Variants in B3GAT1 observed in about 807,000 individuals in gnomAD.
The protein encoded by B3GAT1 is galactosylgalactosylxylosylprotein 3-beta-glucuronosyltransferase 1.
B3GAT1 carries 11 observed loss-of-function variants against 28.4 expected under a neutral mutation model. The ratio of observed to expected loss-of-function variants is 0.39; its 90% confidence interval spans 0.24 to 0.64. The LOEUF is 0.64. B3GAT1 is among the 30% of genes least tolerant of loss of function. B3GAT1 has a pLI of 0.50. For synonymous variants in B3GAT1, 255 were observed against 223.1 expected, an observed-to-expected ratio of 1.14 and a Z score of -1.27; for missense variants, 375 against 491.0, an observed-to-expected ratio of 0.76 and a Z score of 2.23.
intron 1 of B3GAT1, among the ~76,000 whole-genome samples, chr11:134,405,559 C>T (rs11823028): frequency 0.075 from 11,488 of 152,242 alleles, 1,209 homozygotes; most frequent in African/African-American, 0.24. Context: ...GTCCAGCCGT[C>T]TGAGGGAGAA....
At chr11:134,397,338 G>T (rs1944524765) in intron 1 of B3GAT1, among the ~76,000 whole-genome samples, 1 of 152,174 alleles carries the variant, frequency 6.6e-6, no homozygotes, top group African/African-American at 2.4e-5. Context: ...TACCCAGCCT[G>T]GCACTCAGGG....
At chr11:134,383,228 A>C (rs983894261) in intron 3 of B3GAT1, among the ~76,000 whole-genome samples, 6 of 152,074 alleles carry the variant, frequency 3.9e-5, no homozygotes, top group African/African-American at 1.4e-4. Flanking sequence ...GACCTCTCAG[A>C]CGGCCTGGTC....
At chr11:134,407,970 A>G (rs1008186702) in intron 1 of B3GAT1, among the ~76,000 whole-genome samples, 1 of 143,434 alleles carries the variant, frequency 7.0e-6, no homozygotes, top group Admixed American at 6.7e-5. Context: ...TTTGGTGTCA[A>G]GATTTTTTTT....
rs1944064960 is a variant in B3GAT1, at chr11:134,378,733, T to A, written c.*2029A>T. ...TCATCATGGACCCATTTCTGATTTA[T>A]AACAAACTCATTCCCAATAAAGATG... On this transcript the variant is annotated 3_prime_UTR_variant, in exon 6 of 6. Transcript: ENST00000312527. 1 of 152,168 alleles carries A rather than the reference T, an allele frequency of 6.6e-6. No homozygotes were observed. The highest frequency in any genetic ancestry group is 2.4e-5 in the African/African-American group (1 of 41,436). The allele number at this position is 152,168 out of a possible 1,614,324, so 9.4% of individuals were successfully genotyped here.
rs1281911929 is a variant in B3GAT1, at chr11:134,411,702, A to ACACC, written c.-282+101_-282+104dup. On this transcript the variant is annotated intron_variant, in intron 1 of 5. Transcript: ENST00000312527. This position sits in a 1 kb window ranked among gnomAD's most constrained non-coding sequence, Gnocchi z 6.0. ...CACACACACACACACACACACACAC[A>ACACC]CACCCCAGCGCGCGCCCGGGAGGAC... 3 of 144,316 alleles carry ACACC rather than the reference A, an allele frequency of 2.1e-5. No individual in the cohort carries two copies. Among genetic ancestry groups the ACACC allele is most frequent in the African/African-American group, 7.7e-5 (3 of 39,030 alleles). 8.9% of individuals were successfully genotyped at this position (144,316 alleles called of 1,614,324 possible). A position where few individuals can be genotyped will look rare whatever the true frequency, so the allele number is the denominator to read the frequency against.
In B3GAT1 at chr11:134,393,566, G is replaced by T. The variant is rs1944450890; in HGVS notation, c.-281-5626C>A. ...CCTGCCAGCCTTTACCTAACTTGGA[G>T]AACTTTTTTCTGGACTCACCTTATG... On this transcript the variant is annotated intron_variant, in intron 1 of 5. Transcript: ENST00000312527. This position sits in a 1 kb window ranked among gnomAD's most constrained non-coding sequence, Gnocchi z 4.0. Among the ~76,000 whole-genome samples the T allele has an allele frequency of 6.6e-6, 1 of 152,204 alleles. No individual in the cohort carries two copies. Among genetic ancestry groups the T allele is most frequent in the African/African-American group, 2.4e-5 (1 of 41,446 alleles).
At chr11:134,408,547 T>C (rs768964351) in intron 1 of B3GAT1, among the ~76,000 whole-genome samples, 72 of 15,766 alleles carry the variant, frequency 4.6e-3, no homozygotes, top group Admixed American at 0.011. Flanking sequence ...GGAGGTGGGA[T>C]AGCCTGCACC....
chr11:134,404,859 A>T (rs1944698580), intron 1 of B3GAT1, among the ~76,000 whole-genome samples: 1 of 151,486 alleles, frequency 6.6e-6, no homozygotes, highest in Non-Finnish European at 1.5e-5. Flanking sequence ...CCACGCAGAA[A>T]CTCTCTGACC....
In B3GAT1 at chr11:134,388,984, G is replaced by C. The variant is rs1231504247; in HGVS notation, c.-281-1044C>G. The C allele has an allele frequency of 2.0e-5, 3 of 152,226 alleles. No individual in the cohort carries two copies. The East Asian group carries it at 5.8e-4, about 29-fold the overall frequency. 9.4% of individuals were successfully genotyped at this position (152,226 alleles called of 1,614,324 possible). A position where few individuals can be genotyped will look rare whatever the true frequency, so the allele number is the denominator to read the frequency against. On this transcript the variant is annotated intron_variant, in intron 1 of 5. Transcript: ENST00000312527. ...TGGATACATACCCAGTAATGGGACT[G>C]CTGGCTAGAATGGCAGCTCTGTTTT...
intron 1 of B3GAT1, among the ~76,000 whole-genome samples, chr11:134,405,294 G>A (rs56098245): frequency 1.3e-5 from 2 of 152,156 alleles, no homozygotes; most frequent in East Asian, 1.9e-4. Flanking sequence ...CATCAGCTAC[G>A]GGGACCCAGA....
chr11:134,410,803 T>A lies in B3GAT1; in HGVS notation c.-282+1004A>T, dbSNP rs144872481. ...AACACATCCAGGCATTGCACAGTGC[T>A]AGGCCCTACGACATCCGTACCCCAA... On this transcript the variant is annotated intron_variant, in intron 1 of 5. Transcript: ENST00000312527. 2.0e-3 allele frequency among the ~76,000 whole-genome samples: 301 copies of A among 152,350 alleles called. 1 individual carries two copies. Among genetic ancestry groups the A allele is most frequent in the Middle Eastern group, 0.01 (3 of 294 alleles).
Position 134,411,560 on chromosome 11 carries a change from C to G in B3GAT1, c.-282+247G>C, listed in dbSNP as rs1944854302. ...AACCAGCTCTTCCCCTAATCCCGGTCGACGAGGGCAGGCTGTGCCGGGTTT... is the reference window on the plus strand; with the variant it reads ...AACCAGCTCTTCCCCTAATCCCGGTGGACGAGGGCAGGCTGTGCCGGGTTT... On this transcript the variant is annotated intron_variant, in intron 1 of 5. Coordinates refer to ENST00000312527, the MANE Select transcript of B3GAT1 (RefSeq NM_054025.3). This position sits in a 1 kb window ranked among gnomAD's most constrained non-coding sequence, Gnocchi z 6.0. 1.3e-5 allele frequency among the ~76,000 whole-genome samples: 2 copies of G among 152,100 alleles called. No individual in the cohort carries two copies. The highest frequency in any genetic ancestry group is 2.1e-4 in the South Asian group (1 of 4,828).
Position 134,384,028 on chromosome 11 carries a change from G to A in B3GAT1, c.273C>T (p.Pro91=), listed in dbSNP as rs1408539161. 6.2e-7 allele frequency: 1 copy of A among 1,605,674 alleles called. No homozygotes were observed. Among genetic ancestry groups the A allele is most frequent in the Non-Finnish European group, 8.5e-7 (1 of 1,179,160 alleles). ...CCTTCTGCACCGGGCGGCTGTAGGT[G>A]GGCGTCACCACGTGGATGGTGGGCA... is the stretch of plus-strand genomic sequence containing the variant. ...DTLPTIHVVT[P]TYSRPVQKAE... Residue 91 remains proline (P), a synonymous_variant, in exon 3 of 6, where the codon CCC becomes CCT. Transcript: ENST00000312527.
At chr11:134,384,932 T>C (rs1565450308) in intron 2 of B3GAT1, 1 of 152,244 alleles carries the variant, frequency 6.6e-6, no homozygotes, top group East Asian at 1.9e-4. Context: ...TGTCCTTCCA[T>C]CGGAAGGGCT....
At chr11:134,407,656 G>C (rs950421719) in intron 1 of B3GAT1, among the ~76,000 whole-genome samples, 1 of 152,202 alleles carries the variant, frequency 6.6e-6, no homozygotes. Flanking sequence ...CTGTCAGCTG[G>C]TGTGTGCGCA....
chr11:134,388,416 C>G lies in B3GAT1; in HGVS notation c.-281-476G>C, dbSNP rs560014384. 1.3e-3 allele frequency: 198 copies of G among 158,002 alleles called. 3 individuals carry two copies. The highest frequency in any genetic ancestry group is 3.2e-3 in the Admixed American group (54 of 17,060). The allele number at this position is 158,002 out of a possible 1,614,324, so 9.8% of individuals were successfully genotyped here. On this transcript the variant is annotated intron_variant, in intron 1 of 5. Transcript: ENST00000312527. ...AAAGGGGTGAGAGGTTTTATTTTCT[C>G]TCTCTCTTTTTTCTTTTTTTTAACC...
chr11:134,382,687 G>A (rs759789693), intron 4 of B3GAT1, 23 bp downstream of exon 4: 6 of 1,602,226 alleles, frequency 3.7e-6, no homozygotes, highest in South Asian at 3.3e-5. Flanking sequence ...CATCACAGCT[G>A]TCAGTTCTGC....
At chr11:134,403,289 A>G (rs1432771521) in intron 1 of B3GAT1, among the ~76,000 whole-genome samples, 2 of 152,084 alleles carry the variant, frequency 1.3e-5, no homozygotes, top group Admixed American at 1.3e-4. Context: ...CCGGGAAGGC[A>G]GCAGGGATGA....
intron 1 of B3GAT1, among the ~76,000 whole-genome samples, chr11:134,392,507 C>A (rs1421672386): frequency 6.6e-6 from 1 of 152,108 alleles, no homozygotes; most frequent in Non-Finnish European, 1.5e-5. Context: ...GTAGCTGGGA[C>A]CACAGGTACC....
Sources: allele counts gnomAD v4.1 joint callset (sites outside exome capture counted in the v4.1 genomes callset), GRCh38; gene constraint gnomAD v4.1.1; non-coding constraint Gnocchi (gnomAD v3.1); transcripts MANE v1.5; gene names NCBI Gene and HGNC (gene_info 2026-07-23, HGNC 2026-07-21).